The following CTNNA3 variants were observed in gnomAD, a reference collection of about 807,000 sequenced individuals.
The protein encoded by CTNNA3 is catenin alpha-3.
In CTNNA3, 76 loss-of-function variants were observed where a neutral mutation model predicts 95.7. The observed-to-expected ratio is 0.79, with a 90% CI of 0.66 to 0.96. CTNNA3 has a LOEUF of 0.96. CTNNA3 is among the 40% of genes least tolerant of loss of function. The pLI is 0.00. For missense variants in CTNNA3, 1,191 were observed against 1,089.8 expected (o/e 1.09, Z -1.31); for synonymous variants, 431 against 374.4 (o/e 1.15, Z -1.74).
chr10:67,157,016 C>T (rs1861340301), intron 7 of CTNNA3, among the ~76,000 whole-genome samples: 1 of 152,096 alleles, frequency 6.6e-6, no homozygotes, highest in South Asian at 2.1e-4. Flanking sequence ...TGAATCAACC[C>T]TTTTATCACT....
chr10:67,118,724 G>A (rs916554622), intron 7 of CTNNA3, among the ~76,000 whole-genome samples: 6 of 151,606 alleles, frequency 4.0e-5, no homozygotes, highest in African/African-American at 1.5e-4. Flanking sequence ...AAAATATTTG[G>A]AGCCTGCCCT....
intron 7 of CTNNA3, among the ~76,000 whole-genome samples, chr10:66,798,224 T>C (rs534208152): frequency 2.0e-5 from 3 of 151,934 alleles, no homozygotes; most frequent in Non-Finnish European, 4.4e-5. Context: ...TCTAAGTGTT[T>C]ACTAAAATAC....
intron 5 of CTNNA3, among the ~76,000 whole-genome samples, chr10:67,325,398 C>T (rs1213706498): frequency 6.6e-6 from 1 of 152,124 alleles, no homozygotes; most frequent in Non-Finnish European, 1.5e-5. Flanking sequence ...TTTAACACTG[C>T]CTTAGCTGTG....
chr10:67,103,107 T>C (rs1271968815), intron 7 of CTNNA3, among the ~76,000 whole-genome samples: 3 of 151,854 alleles, frequency 2.0e-5, no homozygotes, highest in Non-Finnish European at 4.4e-5. Context: ...TCCCAAAATA[T>C]GCATTAAGAC....
chr10:66,399,727 T>G (rs980154929), intron 11 of CTNNA3, among the ~76,000 whole-genome samples: 1 of 152,008 alleles, frequency 6.6e-6, no homozygotes, highest in African/African-American at 2.4e-5. Flanking sequence ...AATAGTTATA[T>G]GTAGTGAATT....
chr10:66,982,891 G>A (rs1014466407), intron 7 of CTNNA3, among the ~76,000 whole-genome samples: 2 of 152,092 alleles, frequency 1.3e-5, no homozygotes, highest in African/African-American at 4.8e-5. Context: ...AAGGGGAGAA[G>A]CATAAGACCC....
At chr10:65,979,176 A>G (rs924116589) in intron 16 of CTNNA3, among the ~76,000 whole-genome samples, 1 of 152,066 alleles carries the variant, frequency 6.6e-6, no homozygotes, top group African/African-American at 2.4e-5. Context: ...ATTCCTTTTT[A>G]TTTTCAACTT....
intron 3 of CTNNA3, among the ~76,000 whole-genome samples, chr10:67,555,791 G>T (rs1841218994): frequency 6.6e-6 from 1 of 152,160 alleles, no homozygotes; most frequent in African/African-American, 2.4e-5. Flanking sequence ...CCAACACTAT[G>T]TTGAAAAGGA....
At chr10:66,322,325 A>G (rs2092200028) in intron 12 of CTNNA3, among the ~76,000 whole-genome samples, 1 of 152,100 alleles carries the variant, frequency 6.6e-6, no homozygotes. Context: ...TGTGTTTGCA[A>G]TGAGGAGTGG....
chr10:66,193,339 A>T (rs1212705321), intron 13 of CTNNA3, among the ~76,000 whole-genome samples: 1 of 152,132 alleles, frequency 6.6e-6, no homozygotes, highest in Non-Finnish European at 1.5e-5. Context: ...CAAAAACCAT[A>T]AGACTGTGGT....
At chr10:66,643,117 G>C (rs894362183) in intron 9 of CTNNA3, among the ~76,000 whole-genome samples, 1 of 152,152 alleles carries the variant, frequency 6.6e-6, no homozygotes, top group Non-Finnish European at 1.5e-5. Context: ...CTAGCTAACA[G>C]AGAATAACAA....
intron 5 of CTNNA3, among the ~76,000 whole-genome samples, chr10:67,383,929 T>C (rs1321914676): frequency 6.6e-6 from 1 of 152,184 alleles, no homozygotes; most frequent in Non-Finnish European, 1.5e-5. Context: ...CCACTTAATA[T>C]CAAACCAGCT....
At chr10:66,207,125 G>T (rs1751521773) in intron 13 of CTNNA3, among the ~76,000 whole-genome samples, 1 of 149,068 alleles carries the variant, frequency 6.7e-6, no homozygotes, top group Non-Finnish European at 1.5e-5. Context: ...GACTAACTAA[G>T]GAAGAAAAAG....
Position 67,305,184 on chromosome 10 carries a change from G to A in CTNNA3, c.580-85314C>T, listed in dbSNP as rs1266512879. Among the ~76,000 whole-genome samples, 8 of 152,196 alleles carry A rather than the reference G, an allele frequency of 5.3e-5. No individual in the cohort carries two copies. In the South Asian group the frequency reaches 1.5e-3, roughly 28 times the overall value. ...CCAGCTACGTGGGAGGCTGAGGCAG[G>A]AGAATGGTGTGAACCCGGGAGGTGG... On this transcript the variant is annotated intron_variant, in intron 5 of 17. Transcript: ENST00000433211.
rs953453168 is a variant in CTNNA3, at chr10:67,629,019, A to AC, written c.99+18395_99+18396insG. Among the ~76,000 whole-genome samples, 79 of 152,064 alleles carry AC rather than the reference A, an allele frequency of 5.2e-4. 1 individual carries two copies. Among genetic ancestry groups the AC allele is most frequent in the African/African-American group, 1.7e-3 (69 of 41,418 alleles). On this transcript the variant is annotated intron_variant, in intron 2 of 17. Transcript: ENST00000433211. ...ATTCCAGAACTCTAATAAAAAAAAA[A>AC]ACTGGACTCATAAAATTGCTAAACT...
intron 7 of CTNNA3, among the ~76,000 whole-genome samples, chr10:67,166,532 A>G (rs1463028935): frequency 6.6e-6 from 1 of 152,210 alleles, no homozygotes; most frequent in East Asian, 1.9e-4. Flanking sequence ...TATTCTTTGT[A>G]ATAGAATCCA....
Position 66,520,712 on chromosome 10 carries a change from A to G in CTNNA3, c.1436T>C (p.Met479Thr). Reference protein sequence around the residue: ...RPKSQAVKNTMEMYKRTWENH... With the variant: ...RPKSQAVKNTTEMYKRTWENH... ...CTCCCATGTACGCTTGTACATTTCC[A>G]TGGTGTTTTTGACCGCTTGACTTTT... Residue 479 changes from methionine to threonine, a missense_variant, in exon 11 of 18, where the codon ATG becomes ACG. Met to Thr is a moderately conservative substitution (Grantham distance 81). Coordinates refer to ENST00000433211, the MANE Select transcript of CTNNA3 (RefSeq NM_013266.4). The G allele has an allele frequency of 8.1e-6, 13 of 1,612,578 alleles. No individual in the cohort carries two copies. Among genetic ancestry groups the G allele is most frequent in the Non-Finnish European group, 1.1e-5 (13 of 1,179,262 alleles).
chr10:66,505,612 G>A (rs1049010773), intron 11 of CTNNA3, among the ~76,000 whole-genome samples: 4 of 152,058 alleles, frequency 2.6e-5, no homozygotes, highest in South Asian at 4.2e-4. Context: ...TAGGTTATTC[G>A]GCTTGAGCTA....
intron 7 of CTNNA3, among the ~76,000 whole-genome samples, chr10:66,946,490 C>T (rs779459656): frequency 2.0e-5 from 3 of 152,072 alleles, no homozygotes; most frequent in East Asian, 1.9e-4. Context: ...GCACACAGAT[C>T]AAGAAACAGA....
Sources: gnomAD v4.1 joint callset for allele counts (sites outside exome capture counted in the v4.1 genomes callset) on GRCh38, gnomAD v4.1.1 for gene constraint, MANE v1.5 for transcripts, NCBI Gene and HGNC (gene_info 2026-07-23, HGNC 2026-07-21) for gene names.